Variants in UNC5C observed in about 807,000 individuals in gnomAD.
UNC5C encodes netrin receptor UNC5C.
Under a neutral mutation model 99.8 loss-of-function variants are expected in UNC5C, and 47 were observed. The observed-to-expected ratio is 0.47, with a 90% CI of 0.37 to 0.60. The LOEUF is 0.60. Ranked by LOEUF, UNC5C falls within the 20% of genes least tolerant of loss-of-function variation. UNC5C has a pLI of 0.00. For synonymous variants in UNC5C, 487 were observed against 452.2 expected, an observed-to-expected ratio of 1.08 and a Z score of -0.98; for missense variants, 1,062 against 1,165.9, an observed-to-expected ratio of 0.91 and a Z score of 1.30.
At chr4:95,333,267 C>A (rs6821360) in intron 2 of UNC5C, among the ~76,000 whole-genome samples, 1 of 151,996 alleles carries the variant, frequency 6.6e-6, no homozygotes, top group Non-Finnish European at 1.5e-5. Flanking sequence ...AAGACACATG[C>A]ACACGTATGT....
At chr4:95,284,483 T>C (rs1409820110) in intron 3 of UNC5C, among the ~76,000 whole-genome samples, 1 of 152,154 alleles carries the variant, frequency 6.6e-6, no homozygotes, top group African/African-American at 2.4e-5. Flanking sequence ...GTCAAGGAGT[T>C]GACGCATCTT....
chr4:95,375,026 T>C (rs1744853854), intron 1 of UNC5C, among the ~76,000 whole-genome samples: 1 of 152,188 alleles, frequency 6.6e-6, no homozygotes, highest in South Asian at 2.1e-4. Flanking sequence ...GAGTAACATG[T>C]AGTAAAAATG....
intron 12 of UNC5C, among the ~76,000 whole-genome samples, chr4:95,186,863 G>T (rs1310293686): frequency 6.6e-6 from 1 of 152,104 alleles, no homozygotes; most frequent in Non-Finnish European, 1.5e-5. Flanking sequence ...CACATATGTT[G>T]TGTCATTGTC....
chr4:95,506,776 AAT>A (rs1294282969), intron 1 of UNC5C, among the ~76,000 whole-genome samples: 4 of 151,812 alleles, frequency 2.6e-5, no homozygotes, highest in Admixed American at 2.0e-4. Flanking sequence ...TGGTGATAAT[AAT>A]ATATATATTA....
Position 95,265,763 on chromosome 4 carries a change from A to T in UNC5C, c.594+12496T>A, listed in dbSNP as rs1039493069. On this transcript the variant is annotated intron_variant, in intron 4 of 15. Coordinates refer to ENST00000453304, the MANE Select transcript of UNC5C (RefSeq NM_003728.4). ...AAAACAGTGCTTTGGAGTCAGGCAG[A>T]GTTGGCTTTGAATCCCAGCCCTCCC... 7.9e-5 allele frequency among the ~76,000 whole-genome samples: 12 copies of T among 152,192 alleles called. No individual in the cohort carries two copies. The East Asian group carries it at 2.3e-3, about 29-fold the overall frequency.
At chr4:95,282,611 A>C (rs1482192118) in intron 3 of UNC5C, among the ~76,000 whole-genome samples, 1 of 152,198 alleles carries the variant, frequency 6.6e-6, no homozygotes, top group African/African-American at 2.4e-5. Context: ...CAAAGTCTGG[A>C]CAGCCATGTA....
At chr4:95,173,086 A>AT (rs1327518503) in intron 14 of UNC5C, among the ~76,000 whole-genome samples, 2 of 151,754 alleles carry the variant, frequency 1.3e-5, no homozygotes, top group Non-Finnish European at 2.9e-5. Flanking sequence ...TTGTACATTG[A>AT]TTTTGTATCC....
intron 14 of UNC5C, among the ~76,000 whole-genome samples, chr4:95,172,170 T>G (rs575817435): frequency 1.5e-3 from 228 of 150,426 alleles, no homozygotes; most frequent in African/African-American, 5.4e-3. Context: ...TTGCGAAAAT[T>G]TTCTCCCATT....
At chr4:95,206,877 G>A (rs745978017) in intron 10 of UNC5C, 81 bp from the exon 11 acceptor site, 50 of 1,174,976 alleles carry the variant, frequency 4.3e-5, no homozygotes, top group Non-Finnish European at 5.5e-5. Context: ...AAGGCAAACA[G>A]GTCAAGTAGT....
chr4:95,519,615 A>T lies in UNC5C; in HGVS notation c.124+29119T>A, dbSNP rs1722301054. Among the ~76,000 whole-genome samples the T allele has an allele frequency of 2.0e-5, 3 of 152,206 alleles. No homozygotes were observed. The South Asian group carries it at 6.2e-4, about 31-fold the overall frequency. ...ACTGGAACTCATTGGACTAAAGTAA[A>T]TTCAACTTACCTGCTTAACTGCCTC... On this transcript the variant is annotated intron_variant, in intron 1 of 15. Transcript: ENST00000453304.
intron 1 of UNC5C, among the ~76,000 whole-genome samples, chr4:95,546,960 C>T (rs777863684): frequency 6.6e-6 from 1 of 151,946 alleles, no homozygotes; most frequent in Admixed American, 6.6e-5. Flanking sequence ...CCCCATGGCT[C>T]AGTCCTTTGT....
intron 3 of UNC5C, among the ~76,000 whole-genome samples, chr4:95,299,250 G>A (rs563616394): frequency 3.3e-5 from 5 of 152,278 alleles, no homozygotes; most frequent in Non-Finnish European, 5.9e-5. Flanking sequence ...CACACACACA[G>A]AGTAAAGACT....
intron 1 of UNC5C, among the ~76,000 whole-genome samples, chr4:95,377,373 C>T (rs923153801): frequency 1.3e-5 from 2 of 152,126 alleles, no homozygotes; most frequent in Non-Finnish European, 2.9e-5. Flanking sequence ...GTTGTTCCAG[C>T]CCCAGCTATA....
intron 1 of UNC5C, among the ~76,000 whole-genome samples, chr4:95,444,432 C>T (rs927306096): frequency 1.3e-5 from 2 of 151,828 alleles, no homozygotes; most frequent in African/African-American, 4.8e-5. Flanking sequence ...CCTGGCTTCA[C>T]GCCATTCTCC....
chr4:95,446,031 G>A (rs1024996645), intron 1 of UNC5C, among the ~76,000 whole-genome samples: 2 of 152,156 alleles, frequency 1.3e-5, no homozygotes, highest in Non-Finnish European at 1.5e-5. Flanking sequence ...TTTTATAAAG[G>A]TAGATTTTAT....
chr4:95,374,050 G>A (rs997699628), intron 1 of UNC5C, among the ~76,000 whole-genome samples: 16 of 152,090 alleles, frequency 1.1e-4, no homozygotes, highest in African/African-American at 3.1e-4. Context: ...CAAAAAACTC[G>A]GGGAGCACGT....
At chr4:95,457,964 T>G (rs1279970498) in intron 1 of UNC5C, among the ~76,000 whole-genome samples, 1 of 152,138 alleles carries the variant, frequency 6.6e-6, no homozygotes, top group Non-Finnish European at 1.5e-5. Flanking sequence ...TATAGAACTC[T>G]GAGAAATGTG....
At chr4:95,236,195 C>A (rs1739104080) in intron 7 of UNC5C, among the ~76,000 whole-genome samples, 1 of 152,136 alleles carries the variant, frequency 6.6e-6, no homozygotes, top group Admixed American at 6.5e-5. Flanking sequence ...AAATGTCCAA[C>A]AATGATAGAC....
intron 12 of UNC5C, among the ~76,000 whole-genome samples, chr4:95,190,241 C>CA (rs1318798805): frequency 4.0e-5 from 6 of 148,636 alleles, no homozygotes; most frequent in East Asian, 2.0e-4. Flanking sequence ...ATCACAAGAA[C>CA]AAAAAACCAA....
Sources: gnomAD v4.1 joint callset for allele counts (sites outside exome capture counted in the v4.1 genomes callset) on GRCh38, gnomAD v4.1.1 for gene constraint, MANE v1.5 for transcripts, NCBI Gene and HGNC (gene_info 2026-07-23, HGNC 2026-07-21) for gene names.